The following TCF7L1 variants were observed in gnomAD, a reference collection of about 807,000 sequenced individuals.
TCF7L1 encodes transcription factor 7-like 1.
Under a neutral mutation model 63.7 loss-of-function variants are expected in TCF7L1, and 18 were observed. The observed-to-expected ratio is 0.28, with a 90% CI of 0.20 to 0.42. The LOEUF is 0.42. Ranked by LOEUF, TCF7L1 falls within the 10% of genes least tolerant of loss-of-function variation. TCF7L1 has a pLI of 1.00. For missense variants in TCF7L1, 654 were observed against 779.3 expected, an observed-to-expected ratio of 0.84 and a Z score of 1.91; for synonymous variants, 355 against 340.9, an observed-to-expected ratio of 1.04 and a Z score of -0.46.
chr2:85,297,051 T>C (rs996992322), intron 4 of TCF7L1, among the ~76,000 whole-genome samples: 5 of 151,932 alleles, frequency 3.3e-5, no homozygotes, highest in African/African-American at 7.3e-5. Flanking sequence ...CAAGCACCCA[T>C]GCAGAAGAGA....
At chr2:85,197,283 C>T (rs1419293732) in intron 3 of TCF7L1, among the ~76,000 whole-genome samples, 3 of 152,172 alleles carry the variant, frequency 2.0e-5, no homozygotes, top group Non-Finnish European at 4.4e-5. Flanking sequence ...CGGTGGCAAA[C>T]GCCTGTAATC....
At chr2:85,214,280 T>C (rs1227534987) in intron 3 of TCF7L1, among the ~76,000 whole-genome samples, 1 of 152,164 alleles carries the variant, frequency 6.6e-6, no homozygotes, top group East Asian at 1.9e-4. Context: ...CGGGTGATGC[T>C]CGAAGACAAA....
At chr2:85,165,249 C>T (rs1678389406) in intron 3 of TCF7L1, among the ~76,000 whole-genome samples, 2 of 152,238 alleles carry the variant, frequency 1.3e-5, no homozygotes, top group Admixed American at 1.3e-4. Context: ...TACAGCTCCT[C>T]TTTTTGGCTC....
At chr2:85,286,654 C>T (rs1442708214) in intron 4 of TCF7L1, among the ~76,000 whole-genome samples, 4 of 152,134 alleles carry the variant, frequency 2.6e-5, no homozygotes, top group African/African-American at 9.7e-5. Flanking sequence ...TGCCACTATG[C>T]CCGGCTACCT....
At chr2:85,248,476 G>T (rs986354949) in intron 3 of TCF7L1, among the ~76,000 whole-genome samples, 1 of 152,188 alleles carries the variant, frequency 6.6e-6, no homozygotes, top group African/African-American at 2.4e-5. Context: ...CCAAACTAGA[G>T]CGGACAGGCC....
At chr2:85,225,913 T>C (rs1371217112) in intron 3 of TCF7L1, among the ~76,000 whole-genome samples, 2 of 152,246 alleles carry the variant, frequency 1.3e-5, no homozygotes, top group Admixed American at 1.3e-4. Context: ...GGCTGTGGGT[T>C]TGTCATAAAT....
chr2:85,239,741 G>A (rs62165588), intron 3 of TCF7L1, among the ~76,000 whole-genome samples: 34,172 of 151,934 alleles, frequency 0.22, 4,770 homozygotes, highest in Non-Finnish European at 0.32. Context: ...TCAGGAGTTC[G>A]AGACCAGCTT....
intron 3 of TCF7L1, chr2:85,186,608 G>C (rs1173995080): frequency 6.6e-6 from 1 of 152,160 alleles, no homozygotes; most frequent in Non-Finnish European, 1.5e-5. Flanking sequence ...GAAAATTTTA[G>C]GGTTAAAAGC....
intron 3 of TCF7L1, among the ~76,000 whole-genome samples, chr2:85,243,758 C>T (rs1238249349): frequency 6.6e-6 from 1 of 152,126 alleles, no homozygotes; most frequent in Non-Finnish European, 1.5e-5. Flanking sequence ...GCTGAGCCAT[C>T]CACTACGTGC....
chr2:85,277,215 T>C (rs1437198013), intron 3 of TCF7L1, among the ~76,000 whole-genome samples: 2 of 151,976 alleles, frequency 1.3e-5, no homozygotes, highest in African/African-American at 4.8e-5. Flanking sequence ...CTGACTCTGG[T>C]AGGATTTGCA....
chr2:85,283,094 G>A (rs773855179), intron 3 of TCF7L1, among the ~76,000 whole-genome samples: 20 of 152,036 alleles, frequency 1.3e-4, no homozygotes, highest in Non-Finnish European at 2.8e-4. Context: ...GGATGGGGCA[G>A]GATGGCCATC....
At chr2:85,162,952 G>A (rs1250442553) in intron 3 of TCF7L1, among the ~76,000 whole-genome samples, 1 of 152,104 alleles carries the variant, frequency 6.6e-6, no homozygotes, top group Non-Finnish European at 1.5e-5. Context: ...AGTAAAGGGC[G>A]CCGTAGACTG....
chr2:85,145,099 A>G (rs1677850355), intron 3 of TCF7L1, among the ~76,000 whole-genome samples: 1 of 151,888 alleles, frequency 6.6e-6, no homozygotes, highest in Admixed American at 6.6e-5. Context: ...GACATTCCAT[A>G]CTTTTTCCTT....
Position 85,306,616 on chromosome 2 carries a change from G to A in TCF7L1, c.1257+57G>A. The stretch of plus-strand genomic sequence containing the variant: ...GACCCCAGGAACAGCCTCTGCAAGA[G>A]GAGGAAGGGTGAAGGAAAGCAACTG... On this transcript the variant is annotated intron_variant, in intron 10 of 11. Coordinates refer to ENST00000282111, the MANE Select transcript of TCF7L1 (RefSeq NM_031283.3). This position sits in a 1 kb window ranked among gnomAD's most constrained non-coding sequence, Gnocchi z 4.3. The A allele has an allele frequency of 7.1e-7, 1 of 1,399,072 alleles. No individual in the cohort carries two copies. Among genetic ancestry groups the A allele is most frequent in the Admixed American group, 2.0e-5 (1 of 51,134 alleles). 86.7% of individuals were successfully genotyped at this position (1,399,072 alleles called of 1,614,324 possible). A position where few individuals can be genotyped will look rare whatever the true frequency, so the allele number is the denominator to read the frequency against.
chr2:85,182,084 A>G (rs1678816151), intron 3 of TCF7L1, among the ~76,000 whole-genome samples: 1 of 152,110 alleles, frequency 6.6e-6, no homozygotes, highest in South Asian at 2.1e-4. Flanking sequence ...GGCAGGATGG[A>G]CGGGGCGCCT....
chr2:85,172,831 AT>A (rs1414309570), intron 3 of TCF7L1, among the ~76,000 whole-genome samples: 1 of 151,514 alleles, frequency 6.6e-6, no homozygotes, highest in Non-Finnish European at 1.5e-5. Flanking sequence ...TGACCACCCT[AT>A]TTACAATTGC....
rs114326245 is a variant in TCF7L1, at chr2:85,253,098, T to C, written c.442-30397T>C. Among the ~76,000 whole-genome samples, 4 of 152,242 alleles carry C rather than the reference T, an allele frequency of 2.6e-5. No individual in the cohort carries two copies. The South Asian group carries it at 8.3e-4, about 32-fold the overall frequency. ...GGATGTGTAAACAGTGCAATAAGAC[T>C]ATGGAACAACAGACCGTGAGCCAGT... On this transcript the variant is annotated intron_variant, in intron 3 of 11. Transcript: ENST00000282111.
At chr2:85,228,195 G>A (rs1358090011) in intron 3 of TCF7L1, among the ~76,000 whole-genome samples, 1 of 152,032 alleles carries the variant, frequency 6.6e-6, no homozygotes, top group East Asian at 1.9e-4. Flanking sequence ...CAAGGCAGGA[G>A]GATCACTTGA....
rs1289496874 is a variant in TCF7L1 at position 85,239,959 on chromosome 2, AAAC to A, written c.442-43533_442-43531del. 7.4e-4 allele frequency among the ~76,000 whole-genome samples: 112 copies of A among 151,504 alleles called. 2 individuals are homozygous for A. Among genetic ancestry groups the A allele is most frequent in the African/African-American group, 1.8e-3 (74 of 41,320 alleles). ...AGACTCCATCTAAAAAAAAAAAAAAAAACAAAAAAAAAACAAGAATGAAAAGGA... is the reference window on the plus strand; with the variant it reads ...AGACTCCATCTAAAAAAAAAAAAAAAAAAAAAAAAACAAGAATGAAAAGGA... On this transcript the variant is annotated intron_variant, in intron 3 of 11. Coordinates refer to ENST00000282111, the MANE Select transcript of TCF7L1 (RefSeq NM_031283.3).
Sources: allele counts gnomAD v4.1 joint callset (sites outside exome capture counted in the v4.1 genomes callset), GRCh38; gene constraint gnomAD v4.1.1; non-coding constraint Gnocchi (gnomAD v3.1); transcripts MANE v1.5; gene names NCBI Gene and HGNC (gene_info 2026-07-23, HGNC 2026-07-21).